The following EFCAB7 variants were observed in gnomAD, a reference collection of about 807,000 sequenced individuals.
EFCAB7 encodes the protein EF-hand calcium binding domain 7, also known as EF-hand calcium-binding domain-containing protein 7.
Under a neutral mutation model 77.1 loss-of-function variants are expected in EFCAB7, and 66 were observed. The ratio of observed to expected loss-of-function variants is 0.86; its 90% CI spans 0.70 to 1.05. EFCAB7 has a LOEUF of 1.05. EFCAB7 is among the 50% of genes least tolerant of loss of function. The pLI is 0.00. For synonymous variants in EFCAB7, 225 were observed against 243.3 expected (o/e 0.92, Z 0.70); for missense variants, 638 against 730.5 (o/e 0.87, Z 1.46).
intron 11 of EFCAB7, among the ~76,000 whole-genome samples, chr1:63,565,285 G>T (rs897888226): frequency 6.6e-6 from 1 of 152,038 alleles, no homozygotes; most frequent in East Asian, 1.9e-4. Context: ...TGTGAACCCG[G>T]GAGACAGAGC....
chr1:63,557,347 T>TATATATATATATATA, intron 10 of EFCAB7, 100 bp downstream of exon 10: 1 of 1,147,858 alleles, frequency 8.7e-7, no homozygotes, highest in Non-Finnish European at 1.2e-6. Context: ...TGAAATATTA[T>TATATATATATATATA]TATAGCATTT....
chr1:63,585,126 G>A, the EFCAB7 span, among the ~76,000 whole-genome samples: 4 of 151,172 alleles, frequency 2.6e-5, no homozygotes, highest in Admixed American at 1.3e-4. Flanking sequence ...AAACATCTAG[G>A]CATGAAGATT....
chr1:63,545,616 G>A (rs1320724395), intron 6 of EFCAB7, among the ~76,000 whole-genome samples: 1 of 152,058 alleles, frequency 6.6e-6, no homozygotes, highest in Non-Finnish European at 1.5e-5. Flanking sequence ...ACAGGCATGT[G>A]CCACCACGCC....
the EFCAB7 span, among the ~76,000 whole-genome samples, chr1:63,583,666 T>C: frequency 4.0e-5 from 6 of 151,876 alleles, no homozygotes; most frequent in Admixed American, 1.3e-4. Context: ...GAACCCCCAA[T>C]AGAGAGAAAC....
chr1:63,569,415 G>A (rs1557690845), intron 12 of EFCAB7: 1 of 152,170 alleles, frequency 6.6e-6, no homozygotes, highest in Non-Finnish European at 1.5e-5. Context: ...AGTACTGTTT[G>A]TGTGTGCAAT....
Position 63,572,552 on chromosome 1 carries a change from T to G in EFCAB7, c.*36T>G, listed in dbSNP as rs770702535. On this transcript the variant is annotated 3_prime_UTR_variant, in exon 14 of 14. Coordinates refer to ENST00000371088, the MANE Select transcript of EFCAB7 (RefSeq NM_032437.4). ...TTAGAACTTACCAAACTAAGAATTA[T>G]TTCAGATTTAGTCTGTTATTTATTA... 1 of 1,365,350 alleles carries G rather than the reference T, an allele frequency of 7.3e-7. No homozygotes were observed. Among genetic ancestry groups the G allele is most frequent in the Admixed American group, 2.6e-5 (1 of 38,916 alleles). The allele number at this position is 1,365,350 out of a possible 1,614,324, so 84.6% of individuals were successfully genotyped here. A position where few individuals can be genotyped will look rare whatever the true frequency, so the allele number is the denominator to read the frequency against.
At chr1:63,533,367 TC>T (rs1646723515) in intron 4 of EFCAB7, 86 bp from the exon 5 acceptor site, 7 of 953,324 alleles carry the variant, frequency 7.3e-6, no homozygotes, top group Non-Finnish European at 1.1e-5. Context: ...ATCAGTCTGT[TC>T]CTTGCCTACT....
intron 6 of EFCAB7, among the ~76,000 whole-genome samples, chr1:63,538,402 G>GA (rs1646788016): frequency 6.6e-6 from 1 of 151,844 alleles, no homozygotes; most frequent in Non-Finnish European, 1.5e-5. Flanking sequence ...AGGTCCTAGA[G>GA]AAAAAGCTTT....
At chr1:63,532,161 T>C in intron 3 of EFCAB7, 130 bp downstream of exon 3, 1 of 694,140 alleles carries the variant, frequency 1.4e-6, no homozygotes, top group Non-Finnish European at 2.5e-6. Context: ...TTACATGTTA[T>C]TTATAACGTA....
chr1:63,537,990 A>T (rs1216045379), intron 6 of EFCAB7, among the ~76,000 whole-genome samples: 1 of 152,202 alleles, frequency 6.6e-6, no homozygotes, highest in Admixed American at 6.5e-5. Flanking sequence ...TGTTTTGATA[A>T]CAAGAATTTT....
Position 63,549,413 on chromosome 1 carries a change from AC to A in EFCAB7, c.947-2311del, listed in dbSNP as rs1272904455. The A allele has an allele frequency of 1.1e-5, 5 of 468,640 alleles. No individual in the cohort carries two copies. The Admixed American group carries it at 1.2e-4, about 11-fold the overall frequency. 29.0% of individuals were successfully genotyped at this position (468,640 alleles called of 1,614,324 possible). A position where few individuals can be genotyped will look rare whatever the true frequency, so the allele number is the denominator to read the frequency against. ...TGATGCCAAAGAGTTCCAATATTGA[AC>A]ATCTTAAGTCTGTTACTTGGAGTAT... On this transcript the variant is annotated intron_variant, in intron 7 of 13. Transcript: ENST00000371088.
At chr1:63,558,110 A>G (rs758408636) in intron 10 of EFCAB7, among the ~76,000 whole-genome samples, 1 of 152,190 alleles carries the variant, frequency 6.6e-6, no homozygotes, top group African/African-American at 2.4e-5. Flanking sequence ...CAACAGCAAT[A>G]CATGTATATT....
chr1:63,545,947 T>A lies in EFCAB7; in HGVS notation c.836T>A (p.Phe279Tyr). ...DWQHMQSKGCFFLEEDGEIIS... is the reference protein window; with the variant it reads ...DWQHMQSKGCYFLEEDGEIIS... ...CAACACATGCAATCAAAAGGTTGCT[T>A]CTTCTTAGAAGAAGATGGTGAAATC... The change falls in exon 7 of 14, where the codon TTC (phenylalanine) becomes TAC (tyrosine). Residue 279 changes from phenylalanine (F) to tyrosine (Y), a missense_variant. Physicochemically the swap from Phe to Tyr is conservative, Grantham distance 22. Coordinates refer to ENST00000371088, the MANE Select transcript of EFCAB7 (RefSeq NM_032437.4). 5 of 1,613,866 alleles carry A rather than the reference T, an allele frequency of 3.1e-6. No homozygotes were observed. Among genetic ancestry groups the A allele is most frequent in the Non-Finnish European group, 4.2e-6 (5 of 1,179,922 alleles).
chr1:63,565,700 T>G (rs1647162924), intron 11 of EFCAB7, among the ~76,000 whole-genome samples: 1 of 145,300 alleles, frequency 6.9e-6, no homozygotes, highest in East Asian at 2.0e-4. Flanking sequence ...CCATTAAAAA[T>G]GGGCAAATGA....
At chr1:63,538,940 T>A (rs532156646) in intron 6 of EFCAB7, among the ~76,000 whole-genome samples, 4 of 152,378 alleles carry the variant, frequency 2.6e-5, no homozygotes, top group Admixed American at 1.3e-4. Context: ...CTTACTTTAA[T>A]AACTGTTGTT....
At chr1:63,577,839 C>T in the EFCAB7 span, among the ~76,000 whole-genome samples, 4 of 151,992 alleles carry the variant, frequency 2.6e-5, no homozygotes, top group African/African-American at 9.7e-5. Flanking sequence ...AAGGCTTGAC[C>T]AATTTAGAGG....
In EFCAB7 at chr1:63,551,349, T is replaced by C. The variant is rs1001363498; in HGVS notation, c.947-376T>C. 9.8e-5 allele frequency among the ~76,000 whole-genome samples: 15 copies of C among 152,326 alleles called. No homozygotes were observed. In the East Asian group the frequency reaches 1.5e-3, roughly 16 times the overall value. On this transcript the variant is annotated intron_variant, in intron 7 of 13. Coordinates refer to ENST00000371088, the MANE Select transcript of EFCAB7 (RefSeq NM_032437.4). ...GGCTCACGCCTGTAATCCCAACACT[T>C]TGGGAGGCCCAGGCAGGTGGATCAT... is the stretch of plus-strand genomic sequence containing the variant.
intron 11 of EFCAB7, 33 bp from the exon 12 acceptor site, chr1:63,568,277 A>G (rs1388279894): frequency 3.3e-6 from 5 of 1,521,854 alleles, no homozygotes; most frequent in Non-Finnish European, 4.5e-6. Flanking sequence ...AATTCTATCA[A>G]AAGGCTGAAA....
intron 13 of EFCAB7, 71 bp downstream of exon 13, chr1:63,571,199 A>G: frequency 2.1e-6 from 2 of 961,412 alleles, no homozygotes; most frequent in Non-Finnish European, 3.2e-6. Flanking sequence ...TAATGCTATG[A>G]GTAAAATGTA....
Sources: allele counts gnomAD v4.1 joint callset (sites outside exome capture counted in the v4.1 genomes callset), GRCh38; gene constraint gnomAD v4.1.1; transcripts MANE v1.5; gene names NCBI Gene and HGNC (gene_info 2026-07-23, HGNC 2026-07-21).